ARMH3: variants seen among roughly 807,000 people sequenced by gnomAD.
The protein encoded by ARMH3 is armadillo-like helical domain-containing protein 3.
Under a neutral mutation model 99.1 loss-of-function variants are expected in ARMH3, and 60 were observed. That is an observed-to-expected ratio of 0.61 (90% CI 0.49 to 0.75). ARMH3 has a LOEUF of 0.75. ARMH3 is among the 30% of genes least tolerant of loss of function. The pLI is 0.00. For missense variants in ARMH3, 679 were observed against 843.1 expected (o/e 0.81, Z 2.41); for synonymous variants, 285 against 292.8 (o/e 0.97, Z 0.27).
chr10:102,009,293 C>G, intron 13 of ARMH3, 81 bp downstream of exon 13: 1 of 1,316,824 alleles, frequency 7.6e-7, no homozygotes, highest in Non-Finnish European at 1.1e-6. Context: ...TAAACAAGTA[C>G]AGCCAGATAG....
chr10:102,012,764 C>G, intron 10 of ARMH3, 69 bp downstream of exon 10: 1 of 1,466,568 alleles, frequency 6.8e-7, no homozygotes, highest in Non-Finnish European at 9.4e-7. Context: ...CCCAAGAACT[C>G]TAACAAAACT....
At chr10:101,903,402 A>C (rs1443963497) in intron 23 of ARMH3, among the ~76,000 whole-genome samples, 1 of 152,246 alleles carries the variant, frequency 6.6e-6, no homozygotes, top group Admixed American at 6.5e-5. Flanking sequence ...ATAAATGGAA[A>C]AGACACACAC....
chr10:102,040,348 G>C (rs756023656), intron 1 of ARMH3, among the ~76,000 whole-genome samples: 1 of 152,182 alleles, frequency 6.6e-6, no homozygotes, highest in Non-Finnish European at 1.5e-5. Context: ...AGGAGGCAAT[G>C]CATGTGTGAA....
intron 20 of ARMH3, among the ~76,000 whole-genome samples, chr10:101,966,298 T>G (rs1256916330): frequency 5.9e-5 from 8 of 134,930 alleles, no homozygotes; most frequent in South Asian, 2.5e-4. Flanking sequence ...TTTTTTTTTT[T>G]TTTTTTTTTT....
chr10:101,870,854 A>G (rs1054903983), intron 24 of ARMH3, among the ~76,000 whole-genome samples: 19 of 152,072 alleles, frequency 1.2e-4, no homozygotes, highest in African/African-American at 4.6e-4. Flanking sequence ...TGGGAGGATC[A>G]CCTGAGCCCG....
chr10:101,876,307 T>C (rs1346312027), intron 24 of ARMH3, among the ~76,000 whole-genome samples: 2 of 149,562 alleles, frequency 1.3e-5, no homozygotes, highest in Non-Finnish European at 3.0e-5. Flanking sequence ...CAGGGCACTC[T>C]CCCTAGCTCC....
intron 20 of ARMH3, among the ~76,000 whole-genome samples, chr10:101,974,163 C>T (rs1845889586): frequency 6.6e-6 from 1 of 152,172 alleles, no homozygotes; most frequent in African/African-American, 2.4e-5. Flanking sequence ...CCCCCTTTAC[C>T]ACCATAGGCA....
Position 101,897,116 on chromosome 10 carries a change from A to G in ARMH3, c.1782-7626T>C, listed in dbSNP as rs78946933. 5.3e-5 allele frequency among the ~76,000 whole-genome samples: 8 copies of G among 152,296 alleles called. No individual in the cohort carries two copies. In the East Asian group the frequency reaches 1.5e-3, roughly 29 times the overall value. On this transcript the variant is annotated intron_variant, in intron 23 of 25. Transcript: ENST00000370033. ...TGGAGTTGCCCACATTATTCAGGGA[A>G]ACAGAATTGGGAAGAGGATTTAAAG...
chr10:101,848,844 C>T (rs1434474605), intron 25 of ARMH3, among the ~76,000 whole-genome samples: 2 of 152,134 alleles, frequency 1.3e-5, no homozygotes, highest in Non-Finnish European at 2.9e-5. Context: ...CCAACCATCC[C>T]ATAAAAATGT....
intron 22 of ARMH3, among the ~76,000 whole-genome samples, chr10:101,947,796 A>AAAAAAAAT (rs1554873086): frequency 6.9e-6 from 1 of 145,272 alleles, no homozygotes; most frequent in African/African-American, 2.6e-5. Flanking sequence ...GCGAAACTCA[A>AAAAAAAAT]AAATAAATAA....
chr10:102,000,650 G>A (rs2066337128), intron 15 of ARMH3, among the ~76,000 whole-genome samples: 1 of 151,054 alleles, frequency 6.6e-6, no homozygotes, highest in Non-Finnish European at 1.5e-5. Flanking sequence ...CACACCTGTA[G>A]TCCCAGCTAC....
chr10:101,851,868 A>G (rs1226615569), intron 24 of ARMH3, among the ~76,000 whole-genome samples: 3 of 152,058 alleles, frequency 2.0e-5, no homozygotes, highest in Non-Finnish European at 4.4e-5. Context: ...TTCTCATTCC[A>G]CTTGTCAGTT....
chr10:101,904,021 G>A (rs1204695659), intron 23 of ARMH3, among the ~76,000 whole-genome samples: 6 of 152,172 alleles, frequency 3.9e-5, no homozygotes, highest in Non-Finnish European at 7.4e-5. Flanking sequence ...TGCCGTGCCC[G>A]CCCTCTGCGG....
chr10:101,918,580 T>C (rs998511092), intron 23 of ARMH3, among the ~76,000 whole-genome samples: 8 of 152,330 alleles, frequency 5.3e-5, no homozygotes, highest in African/African-American at 1.9e-4. Flanking sequence ...GCTGTATTAA[T>C]TAAACTAGAG....
chr10:101,857,740 T>C (rs975967038), intron 24 of ARMH3, among the ~76,000 whole-genome samples: 1 of 152,230 alleles, frequency 6.6e-6, no homozygotes, highest in African/African-American at 2.4e-5. Context: ...TGCCTAATTC[T>C]CTTCTCTGGA....
chr10:101,933,607 A>C (rs1401011483), intron 23 of ARMH3, among the ~76,000 whole-genome samples: 2 of 152,214 alleles, frequency 1.3e-5, no homozygotes, highest in African/African-American at 2.4e-5. Context: ...TCATTGGGTA[A>C]ACAATATTAT....
At chr10:102,026,402 G>T (rs1437360257) in intron 5 of ARMH3, among the ~76,000 whole-genome samples, 1 of 152,124 alleles carries the variant, frequency 6.6e-6, no homozygotes, top group East Asian at 1.9e-4. Context: ...AGAAAAACAA[G>T]CCAACAGTTT....
At chr10:101,981,770 G>A (rs1846242475) in intron 19 of ARMH3, among the ~76,000 whole-genome samples, 2 of 152,164 alleles carry the variant, frequency 1.3e-5, no homozygotes, top group South Asian at 4.1e-4. Context: ...TGTAATCCCA[G>A]CACTTTGGGA....
At chr10:102,034,107 G>C (rs2067195322) in intron 2 of ARMH3, among the ~76,000 whole-genome samples, 1 of 152,158 alleles carries the variant, frequency 6.6e-6, no homozygotes, top group Non-Finnish European at 1.5e-5. Context: ...CCAGAATTCA[G>C]ATCACCTCAG....
Sources: allele counts gnomAD v4.1 joint callset (sites outside exome capture counted in the v4.1 genomes callset), GRCh38; gene constraint gnomAD v4.1.1; transcripts MANE v1.5; gene names NCBI Gene and HGNC (gene_info 2026-07-23, HGNC 2026-07-21).